Variants in DYNLT1 observed in about 807,000 individuals in gnomAD.
The protein encoded by DYNLT1 is dynein light chain Tctex-type 1, also known as T-complex testis-specific protein 1 homolog.
A neutral mutation model predicts 19.6 loss-of-function variants in DYNLT1; 18 were observed. That is an observed-to-expected ratio of 0.92 (90% CI 0.64 to 1.36). The LOEUF is 1.36. Ranked by LOEUF, DYNLT1 falls within the 40% of genes most tolerant of loss-of-function variation. The pLI, the probability that DYNLT1 is intolerant of heterozygous loss-of-function variation, is 0.00. For synonymous variants in DYNLT1, 56 were observed against 44.0 expected, an observed-to-expected ratio of 1.27 and a Z score of -1.07; for missense variants, 137 against 139.3, an observed-to-expected ratio of 0.98 and a Z score of 0.08.
rs1181455646 is a variant in DYNLT1, at chr6:158,637,132, A to T, written c.267T>A (p.Thr89=). 1.2e-6 allele frequency: 2 copies of T among 1,614,132 alleles called. No individual in the cohort carries two copies. The highest frequency in any genetic ancestry group is 1.7e-6 in the Non-Finnish European group (2 of 1,180,028). The stretch of plus-strand genomic sequence containing the variant: ...AAACATGAATGAAAATCATACCGTC[A>T]GTAGAGCTGTCCCAGAAGCAGGAAC... The part of the protein sequence containing the change: ...TASSCFWDSS[T]DGSCTVRWEN... Residue 89 remains threonine (T), a synonymous_variant, in exon 4 of 5, where the codon ACT becomes ACA. Transcript: ENST00000367089.
intron 2 of DYNLT1, 118 bp downstream of exon 2, chr6:158,641,201 T>G: frequency 1.1e-6 from 1 of 906,924 alleles, no homozygotes; most frequent in East Asian, 3.0e-5. Context: ...AAAACTGTTA[T>G]TTGAAACACC....
chr6:158,641,392 T>C (rs762348199), intron 1 of DYNLT1, 32 bp from the exon 2 acceptor site: 4 of 1,569,812 alleles, frequency 2.5e-6, no homozygotes, highest in African/African-American at 2.7e-5. Context: ...TAAGTTTGAT[T>C]TATTTAAAAG....
intron 1 of DYNLT1, among the ~76,000 whole-genome samples, chr6:158,642,976 G>A (rs1787170909): frequency 6.6e-6 from 1 of 152,148 alleles, no homozygotes; most frequent in Admixed American, 6.5e-5. Context: ...GGACCAGAAC[G>A]GGCCATTCAG....
intron 1 of DYNLT1, among the ~76,000 whole-genome samples, chr6:158,644,065 G>T (rs984885349): frequency 9.6e-5 from 13 of 134,834 alleles, no homozygotes; most frequent in Non-Finnish European, 8.2e-5. Context: ...CATAAAAGAT[G>T]ATTTTTTCCC....
In DYNLT1 at chr6:158,643,977, G is replaced by A. The variant is rs905382864; in HGVS notation, c.27+705C>T. Among the ~76,000 whole-genome samples the A allele has an allele frequency of 5.9e-4, 90 of 151,804 alleles. 1 individual carries two copies. Among genetic ancestry groups the A allele is most frequent in the African/African-American group, 2.1e-3 (88 of 41,328 alleles). ...CGAATGACCGTGAGCTTGAAGGAAA[G>A]CCATTTAACGCACACGGTGCCGATG... On this transcript the variant is annotated intron_variant, in intron 1 of 4. Coordinates refer to ENST00000367089, the MANE Select transcript of DYNLT1 (RefSeq NM_006519.4).
chr6:158,644,481 C>T (rs2128338476), intron 1 of DYNLT1, among the ~76,000 whole-genome samples: 1 of 152,308 alleles, frequency 6.6e-6, no homozygotes, highest in African/African-American at 2.4e-5. Context: ...CTTCCCGCCC[C>T]CCGCGCCGGG....
At chr6:158,644,051 G>A (rs1411517281) in intron 1 of DYNLT1, among the ~76,000 whole-genome samples, 1 of 142,264 alleles carries the variant, frequency 7.0e-6, no homozygotes, top group East Asian at 2.9e-4. Context: ...CTTCCTCAAG[G>A]AGGCATAAAA....
At chr6:158,643,779 C>T (rs1225260333) in intron 1 of DYNLT1, among the ~76,000 whole-genome samples, 3 of 152,226 alleles carry the variant, frequency 2.0e-5, no homozygotes, top group African/African-American at 4.8e-5. Flanking sequence ...CTGCGCCCAG[C>T]CACTAAATTT....
At chr6:158,637,644 C>A (rs770623463) in intron 3 of DYNLT1, 127 bp downstream of exon 3, 7 of 1,463,246 alleles carry the variant, frequency 4.8e-6, no homozygotes, top group Non-Finnish European at 6.7e-6. Flanking sequence ...ACTACACACA[C>A]GACCGACTCC....
chr6:158,644,477 G>GC (rs1787293977), intron 1 of DYNLT1, among the ~76,000 whole-genome samples: 1 of 152,106 alleles, frequency 6.6e-6, no homozygotes, highest in African/African-American at 2.4e-5. Context: ...TCCCCTTCCC[G>GC]CCCCCCGCGC....
chr6:158,636,751 G>GT lies in DYNLT1; in HGVS notation c.*75dup. On this transcript the variant is annotated 3_prime_UTR_variant, in exon 5 of 5. Transcript: ENST00000367089. ...ACAAAACAAAGAGAATGAGAAAAGA[G>GT]TTCACTGAATTCATGGCTGGTGGTT... 6.8e-7 allele frequency: 1 copy of GT among 1,462,416 alleles called. No homozygotes were observed. Among genetic ancestry groups the GT allele is most frequent in the Non-Finnish European group, 9.3e-7 (1 of 1,071,450 alleles). The allele number at this position is 1,462,416 out of a possible 1,614,324, so 90.6% of individuals were successfully genotyped here.
At chr6:158,643,158 G>A (rs1245484879) in intron 1 of DYNLT1, among the ~76,000 whole-genome samples, 1 of 152,172 alleles carries the variant, frequency 6.6e-6, no homozygotes, top group Non-Finnish European at 1.5e-5. Context: ...GTCAGAATCG[G>A]ACTGCAGTAT....
At chr6:158,641,220 C>T in intron 2 of DYNLT1, 99 bp downstream of exon 2, 2 of 1,134,798 alleles carry the variant, frequency 1.8e-6, no homozygotes, top group Non-Finnish European at 2.5e-6. Flanking sequence ...CCAAAACACA[C>T]AGACTCAGTC....
intron 1 of DYNLT1, 24 bp downstream of exon 1, chr6:158,644,658 T>C (rs1787315060): frequency 1.2e-6 from 2 of 1,611,650 alleles, no homozygotes; most frequent in Admixed American, 3.3e-5. Context: ...GCCTCCACCC[T>C]TCCGTCGCCG....
chr6:158,637,145 C>T lies in DYNLT1; in HGVS notation c.254G>A (p.Trp85Ter). 1.2e-6 allele frequency: 2 copies of T among 1,614,212 alleles called. No homozygotes were observed. The highest frequency in any genetic ancestry group is 1.7e-6 in the Non-Finnish European group (2 of 1,180,032). Residue 85 changes from tryptophan to a stop codon, truncating the protein, a stop_gained, in exon 4 of 5, where the codon TGG becomes TAG. Coordinates refer to ENST00000367089, the MANE Select transcript of DYNLT1 (RefSeq NM_006519.4). LOFTEE classifies it high-confidence loss of function. Reference sequence around the variant, plus strand: ...AATCATACCGTCAGTAGAGCTGTCCCAGAAGCAGGAACTTGCTGTGTGTAA... The same window carrying T: ...AATCATACCGTCAGTAGAGCTGTCCTAGAAGCAGGAACTTGCTGTGTGTAA... ...AGLHTASSCF[W>*]DSSTDGSCTV...
chr6:158,640,883 T>C (rs112892722), intron 2 of DYNLT1, among the ~76,000 whole-genome samples: 1 of 152,182 alleles, frequency 6.6e-6, no homozygotes, highest in Non-Finnish European at 1.5e-5. Context: ...TTCCTCTTCA[T>C]GATCAACAAC....
At chr6:158,641,813 C>T (rs1435133625) in intron 1 of DYNLT1, 1 of 152,472 alleles carries the variant, frequency 6.6e-6, no homozygotes, top group African/African-American at 2.4e-5. Flanking sequence ...CTCAGGTGAT[C>T]CTCCCGCCTC....
intron 2 of DYNLT1, among the ~76,000 whole-genome samples, chr6:158,639,077 GCAGTC>G (rs761793777): frequency 9.9e-5 from 15 of 152,192 alleles, no homozygotes; most frequent in Non-Finnish European, 1.9e-4. Flanking sequence ...GAGCAAACCA[GCAGTC>G]CAGGGATCTG....
chr6:158,644,607 T>C (rs758738612), intron 1 of DYNLT1, 75 bp downstream of exon 1: 1 of 1,585,496 alleles, frequency 6.3e-7, no homozygotes, highest in East Asian at 2.3e-5. Context: ...GCCAGGCCTT[T>C]CCGGGCAGGA....
Sources: allele counts gnomAD v4.1 joint callset (sites outside exome capture counted in the v4.1 genomes callset), GRCh38; gene constraint gnomAD v4.1.1; transcripts MANE v1.5; gene names NCBI Gene and HGNC (gene_info 2026-07-23, HGNC 2026-07-21).